GXYLT2: variants seen among roughly 807,000 people sequenced by gnomAD.
GXYLT2 encodes the protein glycosyltransferase 8 domain containing 4.
Under a neutral mutation model 45.8 loss-of-function variants are expected in GXYLT2, and 53 were observed. The observed-to-expected ratio is 1.16, with a 90% CI of 0.93 to 1.46. The LOEUF is 1.46. Ranked by LOEUF, GXYLT2 falls within the 40% of genes most tolerant of loss-of-function variation. The probability of loss-of-function intolerance (pLI) is 0.00; values close to 1 mark genes in which losing one functional copy is unlikely to be tolerated. For missense variants in GXYLT2, 551 were observed against 544.4 expected (o/e 1.01, Z -0.12); for synonymous variants, 219 against 214.2 (o/e 1.02, Z -0.19).
At chr3:72,948,954 A>G (rs1480430576) in intron 3 of GXYLT2, among the ~76,000 whole-genome samples, 1 of 152,224 alleles carries the variant, frequency 6.6e-6, no homozygotes, top group East Asian at 1.9e-4. Flanking sequence ...GAGAACTGTC[A>G]TGGTGCCTTG....
chr3:72,890,219 A>G (rs558882132), intron 1 of GXYLT2, among the ~76,000 whole-genome samples: 7 of 152,142 alleles, frequency 4.6e-5, no homozygotes, highest in East Asian at 3.9e-4. Flanking sequence ...GGGCCCAACC[A>G]TAACCCTTTG....
In GXYLT2 at chr3:72,969,264, C is replaced by T. The variant is rs1020020211; in HGVS notation, c.1149+1545C>T. Among the ~76,000 whole-genome samples, 4 of 80,630 alleles carry T rather than the reference C, an allele frequency of 5.0e-5. No homozygotes were observed. In the East Asian group the frequency reaches 1.0e-3, roughly 20 times the overall value. 52.9% of individuals were successfully genotyped at this position (80,630 alleles called of 152,430 possible). On this transcript the variant is annotated intron_variant, in intron 6 of 6. Transcript: ENST00000389617. ...AAAATTTAAAAAATAAGGCAAGCCT[C>T]ATGCTGTAATCTGAGTGACTTGGGA...
rs114573889 is a variant in GXYLT2, at chr3:72,953,971, G to A, written c.601-1127G>A. On this transcript the variant is annotated intron_variant, in intron 3 of 6. Transcript: ENST00000389617. The stretch of plus-strand genomic sequence containing the variant: ...CCAGGCATGGTGGTGTGTAGCTGTC[G>A]TCCTAGCTACTCGGGAGGCTGAGGT... Among the ~76,000 whole-genome samples the A allele has an allele frequency of 6.0e-3, 918 of 152,214 alleles. 12 individuals are homozygous for A. Among genetic ancestry groups the A allele is most frequent in the African/African-American group, 0.021 (883 of 41,524 alleles).
At chr3:72,909,618 G>A (rs1468022048) in intron 2 of GXYLT2, among the ~76,000 whole-genome samples, 2 of 151,920 alleles carry the variant, frequency 1.3e-5, no homozygotes, top group African/African-American at 4.8e-5. Context: ...TTTTATTATG[G>A]GGCTGGGTCC....
At chr3:72,954,758 T>C (rs901696449) in intron 3 of GXYLT2, among the ~76,000 whole-genome samples, 25 of 152,174 alleles carry the variant, frequency 1.6e-4, no homozygotes, top group Non-Finnish European at 2.2e-4. Flanking sequence ...AGTGGCCTTA[T>C]TGGAAGATGG....
intron 3 of GXYLT2, among the ~76,000 whole-genome samples, chr3:72,942,714 A>G (rs1388414439): frequency 1.3e-5 from 2 of 151,994 alleles, no homozygotes; most frequent in African/African-American, 4.8e-5. Context: ...ACTTTGTTCT[A>G]AATAACCGGC....
chr3:72,917,032 G>A (rs544285742), intron 2 of GXYLT2, among the ~76,000 whole-genome samples: 5 of 152,064 alleles, frequency 3.3e-5, no homozygotes, highest in East Asian at 1.9e-4. Context: ...TGAGGTGGGC[G>A]GTTAGATTGA....
chr3:72,934,907 G>A (rs528785236), intron 3 of GXYLT2, among the ~76,000 whole-genome samples: 2 of 152,288 alleles, frequency 1.3e-5, no homozygotes, highest in African/African-American at 2.4e-5. Flanking sequence ...TAAGAACACT[G>A]ACATGGAAGG....
intron 6 of GXYLT2, among the ~76,000 whole-genome samples, chr3:72,970,449 G>T (rs1442886547): frequency 1.3e-5 from 2 of 152,052 alleles, no homozygotes; most frequent in Non-Finnish European, 2.9e-5. Flanking sequence ...TTCAAGACCA[G>T]CCTGGGCAAC....
chr3:72,939,797 T>C (rs1710266801), intron 3 of GXYLT2, among the ~76,000 whole-genome samples: 1 of 150,962 alleles, frequency 6.6e-6, no homozygotes. Flanking sequence ...TTCCCTCACC[T>C]CAGCCTCCTG....
chr3:72,897,516 C>T (rs755819311), intron 1 of GXYLT2, among the ~76,000 whole-genome samples: 30 of 152,190 alleles, frequency 2.0e-4, no homozygotes, highest in Non-Finnish European at 3.7e-4. Flanking sequence ...AATGTGCTTA[C>T]AGCTGGTGGG....
intron 2 of GXYLT2, among the ~76,000 whole-genome samples, chr3:72,910,081 G>A (rs17010249): frequency 0.25 from 37,962 of 152,010 alleles, 8,810 homozygotes; most frequent in African/African-American, 0.62. Flanking sequence ...TGAAGGAAAA[G>A]GGCTGAAACT....
intron 1 of GXYLT2, among the ~76,000 whole-genome samples, chr3:72,905,644 G>A (rs1290375161): frequency 6.6e-6 from 1 of 152,144 alleles, no homozygotes; most frequent in Non-Finnish European, 1.5e-5. Flanking sequence ...TATATATGCA[G>A]GAGTTGGACT....
chr3:72,928,627 A>G (rs1335918969), intron 3 of GXYLT2, among the ~76,000 whole-genome samples: 1 of 152,182 alleles, frequency 6.6e-6, no homozygotes, highest in Admixed American at 6.6e-5. Context: ...ACCATAGGCC[A>G]GTTAGTTTAC....
chr3:72,959,660 A>C (rs1710731597), intron 5 of GXYLT2, among the ~76,000 whole-genome samples: 1 of 151,558 alleles, frequency 6.6e-6, no homozygotes, highest in African/African-American at 2.4e-5. Context: ...CTTGAGATGG[A>C]ATCTGGCTCT....
chr3:72,974,983 T>A lies in GXYLT2; in HGVS notation c.1156T>A (p.Phe386Ile). ...ALYEAIRDFP[F>I]QDNLFQSMYY... ...TTTTTTTGTCATCTTTCAGTTTCCC[T>A]TTCAAGACAATCTCTTTCAATCCAT... Residue 386 changes from phenylalanine (F) to isoleucine (I), a missense_variant, in exon 7 of 7, where the codon TTT (phenylalanine) becomes ATT (isoleucine). Transcript: ENST00000389617. The A allele has an allele frequency of 6.5e-7, 1 of 1,547,712 alleles. No homozygotes were observed. The highest frequency in any genetic ancestry group is 8.7e-7 in the Non-Finnish European group (1 of 1,144,588).
At chr3:72,939,884 G>A (rs576752288) in intron 3 of GXYLT2, among the ~76,000 whole-genome samples, 3 of 152,106 alleles carry the variant, frequency 2.0e-5, no homozygotes, top group Non-Finnish European at 4.4e-5. Flanking sequence ...GTTTTGCCAT[G>A]TTGCCCAGGC....
chr3:72,889,408 A>G (rs1173894340), intron 1 of GXYLT2, among the ~76,000 whole-genome samples: 1 of 152,142 alleles, frequency 6.6e-6, no homozygotes, highest in Non-Finnish European at 1.5e-5. Flanking sequence ...GAGTTGAAAA[A>G]TTATTTTTGA....
At chr3:72,929,542 CG>C in intron 3 of GXYLT2, 1 of 1,179,750 alleles carries the variant, frequency 8.5e-7, no homozygotes, top group Non-Finnish European at 1.3e-6. Flanking sequence ...GAATCTGGCT[CG>C]GCAGAATATC....
Sources: gnomAD v4.1 joint callset for allele counts (sites outside exome capture counted in the v4.1 genomes callset) on GRCh38, gnomAD v4.1.1 for gene constraint, MANE v1.5 for transcripts, NCBI Gene and HGNC (gene_info 2026-07-23, HGNC 2026-07-21) for gene names.